Variants in CDIN1 observed in about 807,000 individuals in gnomAD.
CDIN1 encodes CDAN1 interacting nuclease 1.
A neutral mutation model predicts 45.3 loss-of-function variants in CDIN1; 33 were observed. That is an observed-to-expected ratio of 0.73 (90% CI 0.55 to 0.97). CDIN1 has a LOEUF of 0.97. Ranked by LOEUF, CDIN1 falls within the 50% of genes least tolerant of loss-of-function variation. The pLI is 0.00. For synonymous variants in CDIN1, 118 were observed against 124.4 expected, an observed-to-expected ratio of 0.95 and a Z score of 0.34; for missense variants, 303 against 339.4, an observed-to-expected ratio of 0.89 and a Z score of 0.84.
intron 5 of CDIN1, among the ~76,000 whole-genome samples, chr15:36,667,715 G>A (rs1236872536): frequency 1.3e-5 from 2 of 152,054 alleles, no homozygotes; most frequent in Admixed American, 6.6e-5. Context: ...GAGATGATAC[G>A]AAGTTTTTCT....
chr15:36,691,105 T>C (rs1191005142), intron 5 of CDIN1: 2 of 511,156 alleles, frequency 3.9e-6, no homozygotes, highest in Non-Finnish European at 7.8e-6. Context: ...CTCAATTCAG[T>C]CAGTTTTACC....
chr15:36,696,982 G>A (rs577148791), intron 7 of CDIN1, among the ~76,000 whole-genome samples: 5 of 150,092 alleles, frequency 3.3e-5, no homozygotes, highest in East Asian at 2.0e-4. Flanking sequence ...TTACCCAGGC[G>A]TGGTGGGTGG....
intron 10 of CDIN1, among the ~76,000 whole-genome samples, chr15:36,736,083 C>G (rs1227183839): frequency 6.6e-6 from 1 of 152,138 alleles, no homozygotes; most frequent in Non-Finnish European, 1.5e-5. Flanking sequence ...TACTCCTAAA[C>G]AGTTTCTATA....
intron 10 of CDIN1, among the ~76,000 whole-genome samples, chr15:36,744,447 G>A (rs1413530898): frequency 6.6e-6 from 1 of 152,122 alleles, no homozygotes; most frequent in Non-Finnish European, 1.5e-5. Context: ...GAGAGCAAGG[G>A]TAATATGTTC....
chr15:36,722,807 A>G (rs1202375755), intron 10 of CDIN1, among the ~76,000 whole-genome samples: 1 of 152,188 alleles, frequency 6.6e-6, no homozygotes, highest in Non-Finnish European at 1.5e-5. Flanking sequence ...CTCTTCTCAT[A>G]AAACAGAAAT....
intron 5 of CDIN1, among the ~76,000 whole-genome samples, chr15:36,660,535 T>C (rs1026627120): frequency 3.9e-5 from 6 of 152,204 alleles, no homozygotes; most frequent in African/African-American, 1.4e-4. Context: ...ACATATACTT[T>C]AGGAATATCC....
intron 10 of CDIN1, among the ~76,000 whole-genome samples, chr15:36,754,782 AT>A (rs749061468): frequency 6.6e-6 from 1 of 152,148 alleles, no homozygotes; most frequent in Non-Finnish European, 1.5e-5. Context: ...AGAGAACAGT[AT>A]TAACAATTAT....
intron 1 of CDIN1, among the ~76,000 whole-genome samples, chr15:36,580,446 A>G (rs1021792282): frequency 6.6e-6 from 1 of 152,114 alleles, no homozygotes; most frequent in African/African-American, 2.4e-5. Flanking sequence ...GAATTAAGTG[A>G]CCTCAAGGGT....
chr15:36,767,218 G>A (rs1212403907), intron 10 of CDIN1, among the ~76,000 whole-genome samples: 2 of 152,066 alleles, frequency 1.3e-5, no homozygotes, highest in Admixed American at 6.5e-5. Context: ...AGTTGACTCT[G>A]AATCTTGGGA....
chr15:36,791,004 G>A (rs1220697764), intron 10 of CDIN1, among the ~76,000 whole-genome samples: 2 of 152,086 alleles, frequency 1.3e-5, no homozygotes, highest in African/African-American at 2.4e-5. Context: ...TCCTCCCACT[G>A]TCCACCCTCG....
chr15:36,619,663 G>A (rs925897145), intron 1 of CDIN1, among the ~76,000 whole-genome samples: 50 of 151,808 alleles, frequency 3.3e-4, no homozygotes, highest in African/African-American at 1.2e-3. Context: ...ACATCCTTCA[G>A]TATAGGAGAT....
At chr15:36,618,760 C>CCAAA in intron 1 of CDIN1, 1 of 582,446 alleles carries the variant, frequency 1.7e-6, no homozygotes. Flanking sequence ...CACAACTCAG[C>CCAAA]CAAAAAAAAA....
chr15:36,713,296 T>A (rs989905224), intron 10 of CDIN1, among the ~76,000 whole-genome samples: 3 of 152,176 alleles, frequency 2.0e-5, no homozygotes, highest in Non-Finnish European at 4.4e-5. Context: ...AAATTGCAAC[T>A]GCAAGTTTCA....
chr15:36,596,326 G>A (rs2037833471), intron 1 of CDIN1, among the ~76,000 whole-genome samples: 1 of 151,866 alleles, frequency 6.6e-6, no homozygotes, highest in Admixed American at 6.6e-5. Context: ...TATTAGAGGG[G>A]GAATATTATG....
At chr15:36,743,456 T>G (rs965204015) in intron 10 of CDIN1, among the ~76,000 whole-genome samples, 10 of 152,172 alleles carry the variant, frequency 6.6e-5, no homozygotes, top group African/African-American at 2.4e-4. Flanking sequence ...GTGCCCTCTT[T>G]TAATCTAATC....
chr15:36,796,204 G>C (rs1320441934), intron 10 of CDIN1, among the ~76,000 whole-genome samples: 1 of 152,068 alleles, frequency 6.6e-6, no homozygotes, highest in Non-Finnish European at 1.5e-5. Context: ...TCTACTGTTG[G>C]GTGGGGTTTT....
At chr15:36,618,448 G>A (rs1352731703) in intron 1 of CDIN1, 18 of 896,814 alleles carry the variant, frequency 2.0e-5, no homozygotes, top group Admixed American at 6.9e-5. Context: ...CGAAGATGAC[G>A]ACAAGATGTC....
At chr15:36,686,282 T>G (rs2042040171) in intron 5 of CDIN1, among the ~76,000 whole-genome samples, 1 of 150,756 alleles carries the variant, frequency 6.6e-6, no homozygotes, top group Non-Finnish European at 1.5e-5. Context: ...AAATTGGAAA[T>G]CATCATTCTC....
chr15:36,647,357 T>C (rs887693411), intron 3 of CDIN1, among the ~76,000 whole-genome samples: 5 of 152,122 alleles, frequency 3.3e-5, no homozygotes, highest in South Asian at 2.1e-4. Context: ...TACCCAATGA[T>C]GAACAGTTGA....
Sources: gnomAD v4.1 joint callset for allele counts (sites outside exome capture counted in the v4.1 genomes callset) on GRCh38, gnomAD v4.1.1 for gene constraint, MANE v1.5 for transcripts, NCBI Gene and HGNC (gene_info 2026-07-23, HGNC 2026-07-21) for gene names.